ENPP3: variants seen among roughly 807,000 people sequenced by gnomAD.
ENPP3 encodes ectonucleotide pyrophosphatase/phosphodiesterase 3.
In ENPP3, 104 loss-of-function variants were observed where a neutral mutation model predicts 117.8. The ratio of observed to expected loss-of-function variants is 0.88; its 90% confidence interval spans 0.75 to 1.04. ENPP3 has a LOEUF of 1.04. ENPP3 is among the 50% of genes least tolerant of loss of function. The probability of loss-of-function intolerance (pLI) is 0.00; values close to 1 mark genes in which losing one functional copy is unlikely to be tolerated. For synonymous variants in ENPP3, 380 were observed against 349.9 expected (o/e 1.09, Z -0.96); for missense variants, 1,026 against 1,051.9 (o/e 0.98, Z 0.34).
intron 15 of ENPP3, among the ~76,000 whole-genome samples, chr6:131,714,781 T>C (rs897726423): frequency 3.6e-4 from 54 of 150,186 alleles, no homozygotes; most frequent in African/African-American, 1.3e-3. Context: ...TGAATGGCTA[T>C]GATTGAACTG....
intron 2 of ENPP3, among the ~76,000 whole-genome samples, chr6:131,647,985 T>G (rs1562426105): frequency 2.0e-5 from 3 of 151,444 alleles, no homozygotes; most frequent in South Asian, 2.1e-4. Flanking sequence ...CCTTTTGCCT[T>G]TCTGTCTTTC....
At chr6:131,690,867 A>C (rs549404966) in intron 14 of ENPP3, among the ~76,000 whole-genome samples, 1 of 152,044 alleles carries the variant, frequency 6.6e-6, no homozygotes, top group Non-Finnish European at 1.5e-5. Flanking sequence ...CAATGTGTTC[A>C]TGCTGAGTGG....
At chr6:131,715,259 C>T (rs1779863853) in intron 15 of ENPP3, among the ~76,000 whole-genome samples, 2 of 150,198 alleles carry the variant, frequency 1.3e-5, no homozygotes, top group African/African-American at 2.5e-5. Context: ...TTGGGTGACC[C>T]AGCCTACTTC....
In ENPP3 at chr6:131,658,450, A is replaced by G. The variant is rs754192271; in HGVS notation, c.562+30A>G. 1.6e-5 allele frequency: 19 copies of G among 1,153,070 alleles called. No individual in the cohort carries two copies. In the Admixed American group the frequency reaches 1.9e-4, roughly 11 times the overall value. The allele number at this position is 1,153,070 out of a possible 1,614,324, so 71.4% of individuals were successfully genotyped here. ...GTCTTCTGTAACTAGTGGCATGCAA[A>G]TGATAAAGACACCTAGTTAGTCAAT... On this transcript the variant is annotated intron_variant, in intron 6 of 24. Coordinates refer to ENST00000357639, the MANE Select transcript of ENPP3 (RefSeq NM_005021.5).
In ENPP3 at chr6:131,648,981, A is replaced by G. The variant is rs190259720; in HGVS notation, c.155-1046A>G. ...CCTAAATATGTATTTGCTTAGATATATGGAAAACTGAACTTCCCTTTTTTC... is the reference window on the plus strand; with the variant it reads ...CCTAAATATGTATTTGCTTAGATATGTGGAAAACTGAACTTCCCTTTTTTC... On this transcript the variant is annotated intron_variant, in intron 2 of 24. Coordinates refer to ENST00000357639, the MANE Select transcript of ENPP3 (RefSeq NM_005021.5). Among the ~76,000 whole-genome samples the G allele has an allele frequency of 7.5e-4, 115 of 152,332 alleles. 1 individual carries two copies. The highest frequency in any genetic ancestry group is 2.2e-3 in the African/African-American group (90 of 41,580).
At chr6:131,660,709 G>T (rs1270015100) in intron 6 of ENPP3, among the ~76,000 whole-genome samples, 3 of 152,164 alleles carry the variant, frequency 2.0e-5, no homozygotes, top group Admixed American at 6.6e-5. Flanking sequence ...GATGTCATTT[G>T]CTGTCTGCTT....
At chr6:131,700,700 C>T (rs1396337509) in intron 15 of ENPP3, 1 of 1,558,744 alleles carries the variant, frequency 6.4e-7, no homozygotes, top group Non-Finnish European at 8.6e-7. Flanking sequence ...GGAAGGCTTT[C>T]CTCTGAACTT....
At chr6:131,661,984 A>C (rs1048926100) in intron 6 of ENPP3, among the ~76,000 whole-genome samples, 2 of 152,174 alleles carry the variant, frequency 1.3e-5, no homozygotes, top group African/African-American at 4.8e-5. Context: ...GACCAATGTC[A>C]TGCAGATTTT....
chr6:131,642,926 A>G (rs1319992781), intron 2 of ENPP3: 1 of 152,166 alleles, frequency 6.6e-6, no homozygotes, highest in African/African-American at 2.4e-5. Context: ...TCATACCTCA[A>G]ATAAACCTCA....
At position 131,663,968 on chromosome 6, in the gene ENPP3, C is replaced by T. The variant is rs149333183; in HGVS notation, c.562+5548C>T. Reference sequence around the variant, plus strand: ...GCTGGCTCAAACTCCTGGGCTCAGGCGATCCTCCCACCTTGGCCTTCCAAA... The same window carrying T: ...GCTGGCTCAAACTCCTGGGCTCAGGTGATCCTCCCACCTTGGCCTTCCAAA... On this transcript the variant is annotated intron_variant, in intron 6 of 24. Coordinates refer to ENST00000357639, the MANE Select transcript of ENPP3 (RefSeq NM_005021.5). Among the ~76,000 whole-genome samples the T allele has an allele frequency of 5.6e-3, 847 of 152,252 alleles. 6 individuals are homozygous for T. The highest frequency in any genetic ancestry group is 0.017 in the African/African-American group (716 of 41,562).
chr6:131,640,348 A>G (rs1362672452), intron 1 of ENPP3, among the ~76,000 whole-genome samples: 1 of 152,196 alleles, frequency 6.6e-6, no homozygotes, highest in Admixed American at 6.6e-5. Flanking sequence ...GTAAATGCTT[A>G]TGTTCATTTT....
intron 6 of ENPP3, among the ~76,000 whole-genome samples, chr6:131,666,630 A>G (rs923720182): frequency 5.9e-5 from 9 of 152,060 alleles, no homozygotes; most frequent in African/African-American, 2.2e-4. Flanking sequence ...CACTTTATTC[A>G]TGCATTGTTC....
chr6:131,669,336 T>G (rs1006454020), intron 6 of ENPP3, among the ~76,000 whole-genome samples: 11 of 152,058 alleles, frequency 7.2e-5, no homozygotes, highest in Admixed American at 5.9e-4. Flanking sequence ...GGAGCAGTTC[T>G]CAAACTTAAA....
At chr6:131,675,022 T>A in intron 8 of ENPP3, 58 bp from the exon 9 acceptor site, 1 of 972,686 alleles carries the variant, frequency 1.0e-6, no homozygotes, top group South Asian at 1.3e-5. Context: ...TCTAGTAAGG[T>A]ACACCATTTC....
At chr6:131,653,771 A>G (rs1437035001) in intron 5 of ENPP3, among the ~76,000 whole-genome samples, 2 of 152,156 alleles carry the variant, frequency 1.3e-5, no homozygotes, top group African/African-American at 4.8e-5. Flanking sequence ...GAGCAGGGAA[A>G]GAGGTTTGTG....
chr6:131,742,546 T>C (rs1403075884), intron 24 of ENPP3, among the ~76,000 whole-genome samples: 1 of 152,076 alleles, frequency 6.6e-6, no homozygotes, highest in Non-Finnish European at 1.5e-5. Flanking sequence ...CATCTTAAAA[T>C]TTAGTTTATA....
At chr6:131,716,741 G>T (rs1562469616) in intron 15 of ENPP3, among the ~76,000 whole-genome samples, 1 of 150,896 alleles carries the variant, frequency 6.6e-6, no homozygotes, top group Non-Finnish European at 1.5e-5. Context: ...GGCTGAGATG[G>T]GTGGAACACT....
intron 23 of ENPP3, among the ~76,000 whole-genome samples, chr6:131,739,593 C>CTTTTTTTTT (rs71270397): frequency 8.0e-5 from 7 of 87,460 alleles, no homozygotes; most frequent in Admixed American, 1.4e-4. Context: ...TCATGCTCTG[C>CTTTTTTTTT]TTTTTTTTTT....
At chr6:131,650,643 G>C (rs565000908) in intron 3 of ENPP3, among the ~76,000 whole-genome samples, 2 of 152,196 alleles carry the variant, frequency 1.3e-5, no homozygotes, top group Non-Finnish European at 2.9e-5. Flanking sequence ...TTGGAGACTG[G>C]AAGTCCAACT....
Sources: gnomAD v4.1 joint callset for allele counts (sites outside exome capture counted in the v4.1 genomes callset) on GRCh38, gnomAD v4.1.1 for gene constraint, MANE v1.5 for transcripts, NCBI Gene and HGNC (gene_info 2026-07-23, HGNC 2026-07-21) for gene names.